Variants in PRR16 observed in about 807,000 individuals in gnomAD.
The protein encoded by PRR16 is protein Largen.
In PRR16, 6 loss-of-function variants were observed where a neutral mutation model predicts 18.2. The observed-to-expected ratio is 0.33, with a 90% CI of 0.18 to 0.65. PRR16 has a LOEUF of 0.65. Ranked by LOEUF, PRR16 falls within the 30% of genes least tolerant of loss-of-function variation. The pLI is 0.74. For synonymous variants in PRR16, 151 were observed against 147.8 expected, an observed-to-expected ratio of 1.02 and a Z score of -0.16; for missense variants, 412 against 376.6, an observed-to-expected ratio of 1.09 and a Z score of -0.78.
chr5:120,727,921 TTAA>T, the PRR16 span, among the ~76,000 whole-genome samples: 1 of 151,982 alleles, frequency 6.6e-6, no homozygotes, highest in African/African-American at 2.4e-5. Flanking sequence ...GACAAATGTG[TTAA>T]TAATAGAAGA....
Position 120,514,252 on chromosome 5 carries a change from G to C in PRR16, c.159+49607G>C, listed in dbSNP as rs140420241. On this transcript the variant is annotated intron_variant, in intron 1 of 1. Transcript: ENST00000407149. ...ACTCTGGAAACCTTGCTCTCAAGGT[G>C]GTAGCTTGCCTGGAAGTTCTCTGAA... Among the ~76,000 whole-genome samples, 441 of 152,196 alleles carry C rather than the reference G, an allele frequency of 2.9e-3. 1 individual carries two copies. The highest frequency in any genetic ancestry group is 0.014 in the Middle Eastern group (4 of 294).
At chr5:120,483,011 A>T (rs1243741231) in intron 1 of PRR16, among the ~76,000 whole-genome samples, 1 of 152,170 alleles carries the variant, frequency 6.6e-6, no homozygotes, top group East Asian at 1.9e-4. Flanking sequence ...ATGGTAGGTT[A>T]GGTAGGTTAG....
At chr5:120,532,089 A>G (rs888351349) in intron 1 of PRR16, among the ~76,000 whole-genome samples, 1 of 152,186 alleles carries the variant, frequency 6.6e-6, no homozygotes, top group African/African-American at 2.4e-5. Flanking sequence ...AAATGAAAAT[A>G]AAATTTATAT....
At chr5:120,777,405 A>G in the PRR16 span, among the ~76,000 whole-genome samples, 1 of 151,794 alleles carries the variant, frequency 6.6e-6, no homozygotes, top group Non-Finnish European at 1.5e-5. Context: ...TGTACTTAAA[A>G]CATAATTATT....
At chr5:120,667,119 T>C (rs1361739252) in intron 1 of PRR16, among the ~76,000 whole-genome samples, 1 of 152,220 alleles carries the variant, frequency 6.6e-6, no homozygotes, top group Non-Finnish European at 1.5e-5. Flanking sequence ...AGCTATTGAT[T>C]ATTGCCACAA....
intron 1 of PRR16, among the ~76,000 whole-genome samples, chr5:120,657,797 G>T (rs560669786): frequency 6.6e-6 from 1 of 152,028 alleles, no homozygotes; most frequent in Non-Finnish European, 1.5e-5. Context: ...GAATGTGAAC[G>T]CATGTTCCCC....
intron 1 of PRR16, chr5:120,618,448 A>T: frequency 4.2e-6 from 4 of 963,740 alleles, no homozygotes; most frequent in Non-Finnish European, 4.9e-6. Context: ...ACAGTTTGTT[A>T]GGTGCTGTGT....
chr5:120,559,900 G>T (rs1300519090), intron 1 of PRR16, among the ~76,000 whole-genome samples: 2 of 151,524 alleles, frequency 1.3e-5, no homozygotes, highest in African/African-American at 2.4e-5. Flanking sequence ...TTTATGTATG[G>T]CTATTGTAAA....
intron 1 of PRR16, among the ~76,000 whole-genome samples, chr5:120,602,881 T>G (rs1754031111): frequency 6.6e-6 from 1 of 152,164 alleles, no homozygotes. Flanking sequence ...GATTTTCGTG[T>G]TTCAAACCAT....
intron 1 of PRR16, among the ~76,000 whole-genome samples, chr5:120,496,807 A>AT (rs1272451092): frequency 2.0e-5 from 3 of 151,114 alleles, no homozygotes; most frequent in Non-Finnish European, 4.4e-5. Context: ...TTGATTTTAG[A>AT]TTTTTTTCTC....
intron 1 of PRR16, among the ~76,000 whole-genome samples, chr5:120,486,491 G>C (rs1366937585): frequency 6.6e-6 from 1 of 151,476 alleles, no homozygotes; most frequent in Non-Finnish European, 1.5e-5. Flanking sequence ...ACTTTTTGAT[G>C]GGGTTGTTTT....
intron 1 of PRR16, among the ~76,000 whole-genome samples, chr5:120,554,160 T>G (rs182380551): frequency 1.7e-3 from 252 of 152,020 alleles, no homozygotes; most frequent in Non-Finnish European, 2.2e-3. Context: ...AGGACTGTCA[T>G]CTAAGATTTT....
intron 1 of PRR16, among the ~76,000 whole-genome samples, chr5:120,582,544 G>T (rs1460708229): frequency 1.3e-5 from 2 of 151,572 alleles, no homozygotes; most frequent in Admixed American, 6.6e-5. Context: ...AATAACAAAA[G>T]CAATAAACTA....
At chr5:120,610,012 C>T (rs1754284155) in intron 1 of PRR16, among the ~76,000 whole-genome samples, 3 of 152,164 alleles carry the variant, frequency 2.0e-5, no homozygotes, top group Admixed American at 2.0e-4. Context: ...AGTCCTGCCA[C>T]AGTCTAATCC....
intron 1 of PRR16, among the ~76,000 whole-genome samples, chr5:120,651,232 C>A (rs368423197): frequency 1.3e-5 from 2 of 151,792 alleles, no homozygotes; most frequent in African/African-American, 4.9e-5. Context: ...ATATTAGCCC[C>A]TTGTCAGATG....
intron 1 of PRR16, among the ~76,000 whole-genome samples, chr5:120,573,364 A>G (rs948320752): frequency 2.0e-5 from 3 of 152,186 alleles, no homozygotes; most frequent in South Asian, 2.1e-4. Flanking sequence ...TGTTAAAACT[A>G]TGAGGAAAAC....
intron 1 of PRR16, among the ~76,000 whole-genome samples, chr5:120,615,952 T>C (rs900139698): frequency 4.6e-5 from 7 of 152,156 alleles, no homozygotes; most frequent in African/African-American, 1.7e-4. Flanking sequence ...AAATGTATAA[T>C]TTTGCTTTTC....
chr5:120,793,876 T>TA, the PRR16 span, among the ~76,000 whole-genome samples: 1 of 152,134 alleles, frequency 6.6e-6, no homozygotes, highest in African/African-American at 2.4e-5. Context: ...CAAATTACTG[T>TA]ATTGAATACT....
chr5:120,618,110 G>T (rs1308080682), intron 1 of PRR16, among the ~76,000 whole-genome samples: 2 of 152,046 alleles, frequency 1.3e-5, no homozygotes, highest in African/African-American at 4.8e-5. Context: ...TCCACTTGTA[G>T]ATAAAACCTG....
Sources: allele counts gnomAD v4.1 joint callset (sites outside exome capture counted in the v4.1 genomes callset), GRCh38; gene constraint gnomAD v4.1.1; transcripts MANE v1.5; gene names NCBI Gene and HGNC (gene_info 2026-07-23, HGNC 2026-07-21).